AOPEP: variants seen among roughly 807,000 people sequenced by gnomAD.
AOPEP encodes aminopeptidase O (putative).
AOPEP carries 77 observed loss-of-function variants against 98.1 expected under a neutral mutation model. The ratio of observed to expected loss-of-function variants is 0.78; its 90% CI spans 0.65 to 0.95. AOPEP has a LOEUF of 0.95. Ranked by LOEUF, AOPEP falls within the 40% of genes least tolerant of loss-of-function variation. AOPEP has a pLI of 0.00. For synonymous variants in AOPEP, 346 were observed against 365.3 expected (o/e 0.95, Z 0.60); for missense variants, 1,024 against 1,024.7 (o/e 1.00, Z 0.01).
intron 4 of AOPEP, 71 bp downstream of exon 4, chr9:94,792,989 TC>T (rs1846069891): frequency 6.1e-6 from 9 of 1,467,056 alleles, no homozygotes; most frequent in Non-Finnish European, 8.3e-6. Context: ...ATGCATTTCT[TC>T]CAAGCACTGG....
intron 5 of AOPEP, among the ~76,000 whole-genome samples, chr9:94,905,969 C>G (rs2051083311): frequency 6.6e-6 from 1 of 152,288 alleles, no homozygotes; most frequent in East Asian, 1.9e-4. Context: ...ACATGACCTC[C>G]AGTATCTACT....
chr9:94,898,431 C>G (rs1201060302), intron 5 of AOPEP, among the ~76,000 whole-genome samples: 1 of 149,458 alleles, frequency 6.7e-6, no homozygotes, highest in Non-Finnish European at 1.5e-5. Flanking sequence ...CCAGCCTGGC[C>G]AACATGGTGA....
At chr9:94,956,673 T>A (rs985467059) in intron 9 of AOPEP, among the ~76,000 whole-genome samples, 1 of 152,188 alleles carries the variant, frequency 6.6e-6, no homozygotes, top group Non-Finnish European at 1.5e-5. Flanking sequence ...CGTATGGGCA[T>A]GGGGCCAAGC....
At chr9:94,732,229 A>T (rs1353288972) in intron 1 of AOPEP, among the ~76,000 whole-genome samples, 1 of 144,620 alleles carries the variant, frequency 6.9e-6, no homozygotes, top group Admixed American at 7.3e-5. Flanking sequence ...ATGTTTGATA[A>T]TCCATGCTTT....
chr9:95,124,247 G>A, the AOPEP span, among the ~76,000 whole-genome samples: 1 of 152,034 alleles, frequency 6.6e-6, no homozygotes, highest in Non-Finnish European at 1.5e-5. Context: ...GCTTCACAGG[G>A]GCCGTGACAT....
intron 5 of AOPEP, among the ~76,000 whole-genome samples, chr9:94,833,775 A>G (rs1326861556): frequency 6.6e-6 from 1 of 152,230 alleles, no homozygotes; most frequent in African/African-American, 2.4e-5. Context: ...AAAACTGGTA[A>G]ATAAAGAGAC....
intron 1 of AOPEP, among the ~76,000 whole-genome samples, chr9:94,729,455 A>G (rs1199036350): frequency 6.6e-6 from 1 of 151,960 alleles, no homozygotes; most frequent in Non-Finnish European, 1.5e-5. Context: ...CTGTAGTCTC[A>G]GGTACTTGGG....
intron 4 of AOPEP, among the ~76,000 whole-genome samples, chr9:94,797,703 C>CTTT (rs1298082623): frequency 1.5e-5 from 2 of 130,088 alleles, no homozygotes; most frequent in Non-Finnish European, 3.2e-5. Context: ...TCTCTCATAC[C>CTTT]TTTTTTTTTT....
At chr9:95,131,589 C>T in the AOPEP span, among the ~76,000 whole-genome samples, 1 of 152,174 alleles carries the variant, frequency 6.6e-6, no homozygotes, top group Non-Finnish European at 1.5e-5. Flanking sequence ...AACCTCCCAG[C>T]TTTTAGCCAT....
intron 14 of AOPEP, among the ~76,000 whole-genome samples, chr9:95,068,312 G>A (rs1587890802): frequency 2.2e-5 from 2 of 89,654 alleles, no homozygotes; most frequent in South Asian, 4.9e-4. Flanking sequence ...GTATGGGTTC[G>A]GCCTCCACCA....
chr9:95,093,981 G>A, the AOPEP span, among the ~76,000 whole-genome samples: 2 of 152,150 alleles, frequency 1.3e-5, no homozygotes, highest in African/African-American at 4.8e-5. Flanking sequence ...CAGCAGGCCC[G>A]GGCTCAAGGG....
intron 14 of AOPEP, among the ~76,000 whole-genome samples, chr9:95,079,836 T>A (rs2134209008): frequency 6.6e-6 from 1 of 152,370 alleles, no homozygotes; most frequent in Non-Finnish European, 1.5e-5. Context: ...TGTGCAAACC[T>A]ACACACCTGT....
At chr9:95,018,395 A>G (rs1379649781) in intron 13 of AOPEP, among the ~76,000 whole-genome samples, 1 of 152,220 alleles carries the variant, frequency 6.6e-6, no homozygotes, top group African/African-American at 2.4e-5. Flanking sequence ...GAAAGTGTCT[A>G]GATACCTTAA....
intron 5 of AOPEP, chr9:94,904,510 T>G (rs1291100446): frequency 6.6e-6 from 1 of 152,256 alleles, no homozygotes; most frequent in East Asian, 1.9e-4. Context: ...TGGGATAGTT[T>G]CAGTTAAAAT....
intron 13 of AOPEP, among the ~76,000 whole-genome samples, chr9:95,025,273 A>T (rs957703354): frequency 1.3e-5 from 2 of 152,028 alleles, no homozygotes; most frequent in African/African-American, 4.8e-5. Flanking sequence ...CCCGTGATCC[A>T]TTTTCCCAGC....
chr9:95,123,765 AAGT>A, the AOPEP span: 1 of 699,528 alleles, frequency 1.4e-6, no homozygotes, highest in Non-Finnish European at 2.7e-6. Flanking sequence ...ATTCACAGCA[AAGT>A]AGTCAGGAAT....
chr9:95,141,165 A>G, the AOPEP span, among the ~76,000 whole-genome samples: 1 of 151,870 alleles, frequency 6.6e-6, no homozygotes, highest in African/African-American at 2.4e-5. Flanking sequence ...CAAAATAATT[A>G]GCAAGGCATG....
At chr9:94,843,685 A>G (rs1372496855) in intron 5 of AOPEP, among the ~76,000 whole-genome samples, 1 of 151,910 alleles carries the variant, frequency 6.6e-6, no homozygotes, top group Non-Finnish European at 1.5e-5. Context: ...ATTTAACCCA[A>G]CTCGCTTTTT....
chr9:95,135,350 G>A, the AOPEP span: 52 of 1,613,614 alleles, frequency 3.2e-5, no homozygotes, highest in East Asian at 1.3e-4. Flanking sequence ...ACGTACCAGC[G>A]ATGAATCTTT....
Sources: gnomAD v4.1 joint callset for allele counts (sites outside exome capture counted in the v4.1 genomes callset) on GRCh38, gnomAD v4.1.1 for gene constraint, MANE v1.5 for transcripts, NCBI Gene and HGNC (gene_info 2026-07-23, HGNC 2026-07-21) for gene names.